EPC2: variants seen among roughly 807,000 people sequenced by gnomAD.
EPC2 encodes the protein enhancer of polycomb 2.
A neutral mutation model predicts 92.1 loss-of-function variants in EPC2; 14 were observed. The ratio of observed to expected loss-of-function variants is 0.15; its 90% CI spans 0.10 to 0.24. EPC2 has a LOEUF of 0.24. Among genes scored for constraint, EPC2 ranks in the 10% least tolerant of loss-of-function variants. The pLI is 1.00. For missense variants in EPC2, 755 were observed against 971.5 expected (o/e 0.78, Z 2.96); for synonymous variants, 340 against 334.7 (o/e 1.02, Z -0.17).
chr2:148,670,284 C>T lies in EPC2; in HGVS notation c.154-19930C>T, dbSNP rs752641946. Among the ~76,000 whole-genome samples the T allele has an allele frequency of 7.3e-5, 11 of 151,716 alleles. 2 individuals are homozygous for T. Among genetic ancestry groups the T allele is most frequent in the South Asian group, 2.1e-4 (1 of 4,808 alleles). On this transcript the variant is annotated intron_variant, in intron 1 of 13. Coordinates refer to ENST00000258484, the MANE Select transcript of EPC2 (RefSeq NM_015630.4). ...AAAACCCATTGTTTTATTACTTTGT[C>T]GGGGTATTTTGCTGGTTGCATCAGG...
intron 1 of EPC2, among the ~76,000 whole-genome samples, chr2:148,674,639 T>C: frequency 6.6e-6 from 1 of 152,196 alleles, no homozygotes; most frequent in Admixed American, 6.5e-5. Context: ...ATGTTGGACA[T>C]AGGTTTCACT....
intron 2 of EPC2, chr2:148,692,716 AAT>A (rs1251255671): frequency 6.6e-6 from 1 of 152,206 alleles, no homozygotes; most frequent in Non-Finnish European, 1.5e-5. Flanking sequence ...GTATTTTGAT[AAT>A]ATTGCAGTTA....
chr2:148,764,761 T>G (rs1683374977), intron 6 of EPC2, among the ~76,000 whole-genome samples, 194 bp from the exon 7 acceptor site: 1 of 152,220 alleles, frequency 6.6e-6, no homozygotes. Flanking sequence ...AATACCATAA[T>G]TATTTTTCAT....
At chr2:148,662,388 T>C (rs935801131) in intron 1 of EPC2, among the ~76,000 whole-genome samples, 5 of 152,196 alleles carry the variant, frequency 3.3e-5, no homozygotes, top group Non-Finnish European at 7.3e-5. Context: ...TGCGGCACTT[T>C]TCACAATAGC....
intron 2 of EPC2, among the ~76,000 whole-genome samples, chr2:148,718,210 G>T (rs941752708): frequency 6.6e-6 from 1 of 152,158 alleles, no homozygotes; most frequent in African/African-American, 2.4e-5. Flanking sequence ...GCCATTCTGT[G>T]TCTTTTAATT....
At chr2:148,696,150 TA>T (rs1681741152) in intron 2 of EPC2, among the ~76,000 whole-genome samples, 1 of 152,180 alleles carries the variant, frequency 6.6e-6, no homozygotes, top group African/African-American at 2.4e-5. Context: ...ACCTAGAAGA[TA>T]ATAGATATGA....
chr2:148,773,367 A>G (rs978918437), intron 10 of EPC2, among the ~76,000 whole-genome samples: 1 of 152,064 alleles, frequency 6.6e-6, no homozygotes, highest in African/African-American at 2.4e-5. Flanking sequence ...TTACCTTACC[A>G]TTAGAAAAAA....
At chr2:148,731,784 A>G (rs988881040) in intron 2 of EPC2, among the ~76,000 whole-genome samples, 1 of 152,250 alleles carries the variant, frequency 6.6e-6, no homozygotes, top group African/African-American at 2.4e-5. Context: ...ACCACCATTG[A>G]TAATTCATAG....
At chr2:148,769,105 C>G in intron 7 of EPC2, 46 bp from the exon 8 acceptor site, 1 of 1,227,908 alleles carries the variant, frequency 8.1e-7, no homozygotes, top group Non-Finnish European at 1.2e-6. Context: ...AAACATTGAT[C>G]TATTGACTTT....
rs558694477 is a variant in EPC2 at position 148,693,850 on chromosome 2, C to G, written c.313+3477C>G. ...ACCTTTAGGAGCCTTTTTCTGACGT[C>G]TCTCAGCATTGTTCTTGGTACTGTT... On this transcript the variant is annotated intron_variant, in intron 2 of 13. Transcript: ENST00000258484. 8.5e-5 allele frequency among the ~76,000 whole-genome samples: 13 copies of G among 152,290 alleles called. No homozygotes were observed. In the East Asian group the frequency reaches 1.7e-3, roughly 20 times the overall value.
intron 1 of EPC2, among the ~76,000 whole-genome samples, chr2:148,684,776 G>C (rs532305664): frequency 1.3e-5 from 2 of 152,320 alleles, no homozygotes; most frequent in Non-Finnish European, 2.9e-5. Context: ...GGAGTTGCTA[G>C]TTCACAGATT....
intron 1 of EPC2, among the ~76,000 whole-genome samples, chr2:148,651,026 G>C (rs1680672578): frequency 6.6e-6 from 1 of 152,158 alleles, no homozygotes; most frequent in African/African-American, 2.4e-5. Context: ...ACAGGGTTAA[G>C]ACAACCTGAC....
rs1393351915 is a variant in EPC2, at chr2:148,753,203, G to A, written c.460-724G>A. On this transcript the variant is annotated intron_variant, in intron 3 of 13. Coordinates refer to ENST00000258484, the MANE Select transcript of EPC2 (RefSeq NM_015630.4). ...TGTCAGCATTATGCTGGCTGCACTG[G>A]TAAAGAGGTAGGTCCCTGAAATACC... 2.6e-5 allele frequency among the ~76,000 whole-genome samples: 4 copies of A among 152,168 alleles called. No homozygotes were observed. In the East Asian group the frequency reaches 5.8e-4, roughly 22 times the overall value.
chr2:148,668,509 A>C (rs989366446), intron 1 of EPC2, among the ~76,000 whole-genome samples: 1 of 152,096 alleles, frequency 6.6e-6, no homozygotes, highest in Non-Finnish European at 1.5e-5. Flanking sequence ...AATTGTGTAG[A>C]GTTGGTATTG....
At position 148,688,459 on chromosome 2, in the gene EPC2, G is replaced by C. The variant is rs182641533; in HGVS notation, c.154-1755G>C. On this transcript the variant is annotated intron_variant, in intron 1 of 13. Transcript: ENST00000258484. ...GATAGCATTAGGAGATATACCTAATGCTAAATGATGAGTTAATGGGTGCAG... is the reference window on the plus strand; with the variant it reads ...GATAGCATTAGGAGATATACCTAATCCTAAATGATGAGTTAATGGGTGCAG... 3.9e-4 allele frequency among the ~76,000 whole-genome samples: 59 copies of C among 152,170 alleles called. No homozygotes were observed. In the East Asian group the frequency reaches 9.7e-3, roughly 25 times the overall value.
chr2:148,691,540 A>C, intron 2 of EPC2: 2 of 1,550,462 alleles, frequency 1.3e-6, no homozygotes, highest in Non-Finnish European at 1.7e-6. Flanking sequence ...TCATCTTTGC[A>C]GTGAAATTGC....
chr2:148,698,852 C>T (rs1574589821), intron 2 of EPC2, among the ~76,000 whole-genome samples: 2 of 139,058 alleles, frequency 1.4e-5, no homozygotes, highest in African/African-American at 2.7e-5. Context: ...AAAAAAAAAG[C>T]ATTATACTCT....
rs1432259377 is a variant in EPC2 at position 148,645,131 on chromosome 2, G to A, written c.114G>A (p.Val38=). The change falls in exon 1 of 14, where the codon GTG becomes GTA. Residue 38 remains valine, a synonymous_variant. Coordinates refer to ENST00000258484, the MANE Select transcript of EPC2 (RefSeq NM_015630.4). ...LNDCVSINRA[V]PQMPTGMEKE... is the part of the protein sequence containing the mutation. Reference sequence around the variant, plus strand: ...ACTGCGTCTCCATCAACCGGGCCGTGCCCCAGATGCCCACCGGGATGGAGA... The same window carrying A: ...ACTGCGTCTCCATCAACCGGGCCGTACCCCAGATGCCCACCGGGATGGAGA... The A allele has an allele frequency of 1.2e-6, 2 of 1,610,136 alleles. No homozygotes were observed. The highest frequency in any genetic ancestry group is 4.5e-5 in the East Asian group (2 of 44,726).
rs373592994 is a variant in EPC2, at chr2:148,742,135, ATTGT to A, written c.314-1480_314-1477del. Among the ~76,000 whole-genome samples, 88 of 152,134 alleles carry A rather than the reference ATTGT, an allele frequency of 5.8e-4. No individual in the cohort carries two copies. In the South Asian group the frequency reaches 6.0e-3, roughly 10 times the overall value. On this transcript the variant is annotated intron_variant, in intron 2 of 13. Coordinates refer to ENST00000258484, the MANE Select transcript of EPC2 (RefSeq NM_015630.4). ...CTATCATTTATCTAATCCTACACACATTGTTTGTTTTGTATTTTTTACTTCTTGC... is the reference window on the plus strand; with the variant it reads ...CTATCATTTATCTAATCCTACACACATTGTTTTGTATTTTTTACTTCTTGC...
Sources: gnomAD v4.1 joint callset for allele counts (sites outside exome capture counted in the v4.1 genomes callset) on GRCh38, gnomAD v4.1.1 for gene constraint, MANE v1.5 for transcripts, NCBI Gene and HGNC (gene_info 2026-07-23, HGNC 2026-07-21) for gene names.